PLXNA4: variants seen among roughly 807,000 people sequenced by gnomAD.
PLXNA4 encodes plexin A4.
PLXNA4 carries 44 observed loss-of-function variants against 191.8 expected under a neutral mutation model. The ratio of observed to expected loss-of-function variants is 0.23; its 90% CI spans 0.18 to 0.29. PLXNA4 has a LOEUF of 0.29. Among genes scored for constraint, PLXNA4 ranks in the 10% least tolerant of loss-of-function variants. The probability of loss-of-function intolerance (pLI) is 1.00; values close to 1 mark genes in which losing one functional copy is unlikely to be tolerated. For missense variants in PLXNA4, 1,800 were observed against 2,488.8 expected, an observed-to-expected ratio of 0.72 and a Z score of 5.89; for synonymous variants, 1,082 against 1,009.5, an observed-to-expected ratio of 1.07 and a Z score of -1.36.
intron 3 of PLXNA4, among the ~76,000 whole-genome samples, chr7:132,488,924 A>C (rs1797667769): frequency 6.6e-6 from 1 of 152,226 alleles, no homozygotes; most frequent in African/African-American, 2.4e-5. Flanking sequence ...GGGAACAGGC[A>C]TGTCCCTTCC....
intron 3 of PLXNA4, among the ~76,000 whole-genome samples, chr7:132,444,953 G>C (rs1428240105): frequency 1.3e-5 from 2 of 151,320 alleles, no homozygotes; most frequent in African/African-American, 4.9e-5. Context: ...CATGAGGTCA[G>C]GAGATCCAGA....
chr7:132,165,373 C>T (rs560350600), intron 22 of PLXNA4, among the ~76,000 whole-genome samples, 173 bp from the exon 23 acceptor site: 18 of 152,346 alleles, frequency 1.2e-4, no homozygotes, highest in East Asian at 5.8e-4. Context: ...GACTCCTAGA[C>T]GCCCCCATAA....
At chr7:132,608,459 A>G (rs1802984854) in intron 2 of PLXNA4, among the ~76,000 whole-genome samples, 1 of 152,236 alleles carries the variant, frequency 6.6e-6, no homozygotes, top group African/African-American at 2.4e-5. Flanking sequence ...AGGAACACTC[A>G]GTCCAATGGC....
At chr7:132,616,531 A>C (rs1192379347) in intron 2 of PLXNA4, among the ~76,000 whole-genome samples, 1 of 152,192 alleles carries the variant, frequency 6.6e-6, no homozygotes, top group African/African-American at 2.4e-5. Flanking sequence ...TGACTCATCC[A>C]TAAAACTTTT....
chr7:132,451,780 C>A (rs1796131530), intron 3 of PLXNA4, among the ~76,000 whole-genome samples: 1 of 152,238 alleles, frequency 6.6e-6, no homozygotes, highest in Non-Finnish European at 1.5e-5. Context: ...AGCTCACACT[C>A]CTAAGCTACC....
intron 3 of PLXNA4, among the ~76,000 whole-genome samples, chr7:132,474,042 AAAAAC>A (rs773272032): frequency 1.4e-4 from 21 of 151,558 alleles, no homozygotes; most frequent in Admixed American, 6.6e-5. Context: ...AGAAATGACA[AAAAAC>A]AAAACAAAAC....
intron 3 of PLXNA4, among the ~76,000 whole-genome samples, chr7:132,318,250 A>G (rs985323060): frequency 6.6e-6 from 1 of 151,948 alleles, no homozygotes; most frequent in Admixed American, 6.5e-5. Flanking sequence ...GGACACTCTC[A>G]CCCTTCTGAG....
chr7:132,329,129 C>T (rs1371378322), intron 3 of PLXNA4, among the ~76,000 whole-genome samples: 2 of 152,210 alleles, frequency 1.3e-5, no homozygotes, highest in Non-Finnish European at 2.9e-5. Context: ...GATGTGGATG[C>T]ACCCCTAAGT....
At chr7:132,257,334 T>C (rs1799468186) in intron 4 of PLXNA4, among the ~76,000 whole-genome samples, 1 of 152,188 alleles carries the variant, frequency 6.6e-6, no homozygotes, top group South Asian at 2.1e-4. Context: ...TTGGCCAACA[T>C]GTTTCCCTCA....
chr7:132,364,144 C>T (rs1300453250), intron 3 of PLXNA4, among the ~76,000 whole-genome samples: 2 of 152,188 alleles, frequency 1.3e-5, no homozygotes, highest in African/African-American at 2.4e-5. Flanking sequence ...ATGCAGACCC[C>T]TTCGTGGGAA....
chr7:132,562,214 C>T (rs2116658640), intron 1 of PLXNA4, among the ~76,000 whole-genome samples: 2 of 130,482 alleles, frequency 1.5e-5, no homozygotes, highest in East Asian at 2.5e-4. Flanking sequence ...TTCTCCTCCT[C>T]CTTCTCTTCC....
At chr7:132,390,950 C>T (rs1046166970) in intron 3 of PLXNA4, among the ~76,000 whole-genome samples, 2 of 152,210 alleles carry the variant, frequency 1.3e-5, no homozygotes, top group African/African-American at 4.8e-5. Flanking sequence ...GCAGAGAAGG[C>T]AGTGGATGGG....
chr7:132,205,946 T>A lies in PLXNA4; in HGVS notation c.2299-2527A>T, dbSNP rs377225680. Reference sequence around the variant, plus strand: ...GAAGGCAAAGAATCCTACATACATATGCATGTGAGCATCTGTGTACTCAAA... The same window carrying A: ...GAAGGCAAAGAATCCTACATACATAAGCATGTGAGCATCTGTGTACTCAAA... On this transcript the variant is annotated intron_variant, in intron 10 of 31. Transcript: ENST00000321063. Among the ~76,000 whole-genome samples, 23 of 152,330 alleles carry A rather than the reference T, an allele frequency of 1.5e-4. No homozygotes were observed. The East Asian group carries it at 1.9e-3, about 13-fold the overall frequency.
chr7:132,384,016 T>C, intron 3 of PLXNA4: 1 of 985,462 alleles, frequency 1.0e-6, no homozygotes, highest in South Asian at 4.7e-5. Flanking sequence ...TACAAACCTC[T>C]GCCTCCAGAA....
intron 2 of PLXNA4, among the ~76,000 whole-genome samples, chr7:132,644,128 G>C (rs1212726624): frequency 6.6e-6 from 1 of 152,192 alleles, no homozygotes; most frequent in Admixed American, 6.5e-5. Context: ...GCCTAGAGGA[G>C]TGAGTGAGCA....
At position 132,638,591 on chromosome 7, in the gene PLXNA4, G is replaced by A. The variant is rs772731626; in HGVS notation, c.-87+7337C>T. Among the ~76,000 whole-genome samples the A allele has an allele frequency of 6.6e-5, 10 of 152,076 alleles. No individual in the cohort carries two copies. The South Asian group carries it at 1.0e-3, about 16-fold the overall frequency. On this transcript the variant is annotated intron_variant, in intron 2 of 4. Transcript: ENST00000378539. ...CACTTGAACCCGGGTGGCAGAGATTGCAGTGAGCTGAGATTGCACCACTGC... is the reference window on the plus strand; with the variant it reads ...CACTTGAACCCGGGTGGCAGAGATTACAGTGAGCTGAGATTGCACCACTGC...
intron 2 of PLXNA4, among the ~76,000 whole-genome samples, chr7:132,495,867 C>T (rs1230538789): frequency 6.6e-6 from 1 of 152,216 alleles, no homozygotes; most frequent in Non-Finnish European, 1.5e-5. Context: ...GGGAAATAGG[C>T]ACTAGATGAA....
chr7:132,156,486 G>A (rs995538400), intron 25 of PLXNA4, among the ~76,000 whole-genome samples: 25 of 152,204 alleles, frequency 1.6e-4, no homozygotes, highest in African/African-American at 4.3e-4. Context: ...TGCTTCTTGC[G>A]GAGCTGGCCT....
rs189511338 is a variant in PLXNA4 at position 132,601,068 on chromosome 7, T to G, written c.-87+44860A>C. 5.7e-3 allele frequency among the ~76,000 whole-genome samples: 867 copies of G among 152,308 alleles called. 7 individuals are homozygous for G. The highest frequency in any genetic ancestry group is 0.041 in the Middle Eastern group (12 of 294). ...TACACAGAAACTTTTTTCTATCAAA[T>G]ATTTATTGAATAAATGAATTGTAAA... On this transcript the variant is annotated intron_variant, in intron 2 of 4. Coordinates refer to the PLXNA4 transcript ENST00000378539.
Sources: allele counts gnomAD v4.1 joint callset (sites outside exome capture counted in the v4.1 genomes callset), GRCh38; gene constraint gnomAD v4.1.1; transcripts MANE v1.5; gene names NCBI Gene and HGNC (gene_info 2026-07-23, HGNC 2026-07-21).